Variants in CCDC171 observed in about 807,000 individuals in gnomAD.
The protein encoded by CCDC171 is coiled-coil domain-containing protein 171.
A neutral mutation model predicts 168.2 loss-of-function variants in CCDC171; 177 were observed. That is an observed-to-expected ratio of 1.05 (90% CI 0.93 to 1.19). The LOEUF is 1.19. CCDC171 is among the 50% of genes most tolerant of loss of function. CCDC171 has a pLI of 0.00. For missense variants in CCDC171, 1,991 were observed against 1,539.0 expected (o/e 1.29, Z -4.91); for synonymous variants, 687 against 540.8 (o/e 1.27, Z -3.75).
intron 22 of CCDC171, 22 bp from the exon 23 acceptor site, chr9:15,848,871 C>G (rs2061010188): frequency 7.5e-6 from 11 of 1,458,796 alleles, no homozygotes; most frequent in Non-Finnish European, 8.5e-6. Context: ...TTTACTAACA[C>G]TTAATCTTTT....
At chr9:15,903,225 A>C (rs1821973443) in intron 24 of CCDC171, among the ~76,000 whole-genome samples, 1 of 152,190 alleles carries the variant, frequency 6.6e-6, no homozygotes, top group Non-Finnish European at 1.5e-5. Flanking sequence ...GAACGGACAG[A>C]CTGCCTCCTC....
At chr9:15,573,598 T>C (rs1269110547) in intron 3 of CCDC171, among the ~76,000 whole-genome samples, 1 of 151,790 alleles carries the variant, frequency 6.6e-6, no homozygotes, top group South Asian at 2.1e-4. Context: ...AGGTAATTTT[T>C]AAGTGATAAT....
chr9:15,880,838 C>T (rs1010894388), intron 24 of CCDC171, among the ~76,000 whole-genome samples: 11 of 151,936 alleles, frequency 7.2e-5, no homozygotes, highest in Non-Finnish European at 1.2e-4. Context: ...GTTGTGGAAT[C>T]GAAAATAATG....
intron 25 of CCDC171, among the ~76,000 whole-genome samples, chr9:15,957,728 G>A (rs1186036421): frequency 1.3e-5 from 2 of 152,156 alleles, no homozygotes; most frequent in African/African-American, 4.8e-5. Flanking sequence ...AGTAGAATAA[G>A]CAATGCATTT....
At chr9:15,825,680 C>T (rs1588707063) in intron 21 of CCDC171, among the ~76,000 whole-genome samples, 1 of 152,062 alleles carries the variant, frequency 6.6e-6, no homozygotes, top group East Asian at 1.9e-4. Flanking sequence ...GGCATTTTCT[C>T]TCTAGGAGAG....
chr9:16,002,556 G>A (rs1415959654), intron 3 of CCDC171, among the ~76,000 whole-genome samples: 1 of 152,122 alleles, frequency 6.6e-6, no homozygotes, highest in Admixed American at 6.5e-5. Flanking sequence ...AAGATTAAAA[G>A]TCTATAAAGT....
At chr9:15,596,990 G>T (rs1587273107) in intron 6 of CCDC171, among the ~76,000 whole-genome samples, 1 of 152,258 alleles carries the variant, frequency 6.6e-6, no homozygotes, top group East Asian at 1.9e-4. Context: ...TTTGCACATT[G>T]ATTTTGTATC....
intron 11 of CCDC171, among the ~76,000 whole-genome samples, chr9:15,697,707 CAA>C (rs1435116041): frequency 6.6e-6 from 1 of 152,032 alleles, no homozygotes; most frequent in Non-Finnish European, 1.5e-5. Context: ...ACATTATTGC[CAA>C]AAAATGCTGA....
At chr9:15,771,597 G>A (rs1054320918) in intron 18 of CCDC171, among the ~76,000 whole-genome samples, 16 of 151,942 alleles carry the variant, frequency 1.1e-4, no homozygotes, top group Non-Finnish European at 1.9e-4. Flanking sequence ...TAATTTTGCA[G>A]CTTGTGTTTT....
rs376021738 is a variant in CCDC171 at position 15,721,792 on chromosome 9, C to T, written c.1342C>T (p.Pro448Ser). ...AGGCATCCACAAGGACAAAGATAAA[C>T]CTCCCAGCTTCTCTGTTGTCCTTGA... ...TSGIHKDKDKPPSFSVVLERL... is the reference protein window; with the variant it reads ...TSGIHKDKDKSPSFSVVLERL... The change falls in exon 12 of 26, where the codon CCT becomes TCT. Residue 448 changes from proline (P) to serine (S), a missense_variant. Pro to Ser is a moderately conservative substitution (Grantham distance 74, BLOSUM62 -1). Transcript: ENST00000380701. 1.9e-6 allele frequency: 3 copies of T among 1,559,906 alleles called. No homozygotes were observed. Among genetic ancestry groups the T allele is most frequent in the East Asian group, 4.9e-5 (2 of 41,046 alleles).
the CCDC171 span, among the ~76,000 whole-genome samples, chr9:16,086,501 T>A: frequency 6.6e-6 from 1 of 152,028 alleles, no homozygotes; most frequent in Admixed American, 6.6e-5. Context: ...AGAGATGGGG[T>A]TTCATCACAT....
At chr9:15,770,997 T>C (rs2056983120) in intron 18 of CCDC171, among the ~76,000 whole-genome samples, 2 of 152,220 alleles carry the variant, frequency 1.3e-5, no homozygotes, top group South Asian at 4.1e-4. Context: ...ACTCAATGGA[T>C]AATGAATATT....
intron 7 of CCDC171, among the ~76,000 whole-genome samples, chr9:15,631,936 T>C (rs546297508): frequency 1.1e-4 from 17 of 152,238 alleles, no homozygotes; most frequent in East Asian, 5.8e-4. Flanking sequence ...ATTATCTCAA[T>C]AGATGCAGAA....
chr9:16,001,396 G>A (rs1168176840), intron 3 of CCDC171, among the ~76,000 whole-genome samples: 3 of 150,476 alleles, frequency 2.0e-5, no homozygotes, highest in Non-Finnish European at 3.0e-5. Flanking sequence ...TTTCTCATAT[G>A]TATGTGTGTG....
chr9:15,790,623 G>A (rs539581825), intron 21 of CCDC171, among the ~76,000 whole-genome samples: 23 of 152,168 alleles, frequency 1.5e-4, no homozygotes, highest in African/African-American at 4.3e-4. Flanking sequence ...TGTCAATTTC[G>A]GCTTTTGTTG....
At chr9:15,672,143 A>G (rs2133268724) in intron 9 of CCDC171, among the ~76,000 whole-genome samples, 1 of 152,230 alleles carries the variant, frequency 6.6e-6, no homozygotes. Context: ...CTGCATAAAT[A>G]TCTTCTTTTG....
intron 16 of CCDC171, among the ~76,000 whole-genome samples, chr9:15,734,399 G>A (rs975245366): frequency 1.3e-4 from 20 of 152,080 alleles, no homozygotes; most frequent in African/African-American, 4.3e-4. Context: ...TTAGCCAGGC[G>A]TGGTGGCGCA....
intron 1 of CCDC171, among the ~76,000 whole-genome samples, chr9:15,560,995 A>G (rs1402252461): frequency 2.0e-5 from 3 of 152,150 alleles, no homozygotes; most frequent in African/African-American, 7.2e-5. Flanking sequence ...GGTGCACTTC[A>G]GACCCTGTTT....
At chr9:15,998,878 G>A (rs1259795773) in intron 3 of CCDC171, among the ~76,000 whole-genome samples, 1 of 152,154 alleles carries the variant, frequency 6.6e-6, no homozygotes, top group Non-Finnish European at 1.5e-5. Context: ...TCCTCTATCA[G>A]AACAGGAAAG....
Sources: gnomAD v4.1 joint callset for allele counts (sites outside exome capture counted in the v4.1 genomes callset) on GRCh38, gnomAD v4.1.1 for gene constraint, MANE v1.5 for transcripts, NCBI Gene and HGNC (gene_info 2026-07-23, HGNC 2026-07-21) for gene names.